ZC3H12D: variants seen among roughly 807,000 people sequenced by gnomAD.
ZC3H12D encodes zinc finger CCCH-type containing 12D, also known as probable ribonuclease ZC3H12D.
Under a neutral mutation model 24.2 loss-of-function variants are expected in ZC3H12D, and 11 were observed. The ratio of observed to expected loss-of-function variants is 0.46; its 90% CI spans 0.29 to 0.75. The LOEUF is 0.75. ZC3H12D is among the 30% of genes least tolerant of loss of function. The pLI, the probability that ZC3H12D is intolerant of heterozygous loss-of-function variation, is 0.11. For missense variants in ZC3H12D, 740 were observed against 767.7 expected (o/e 0.96, Z 0.43); for synonymous variants, 333 against 341.8 (o/e 0.97, Z 0.28).
Position 149,447,933 on chromosome 6 carries a change from C to T in ZC3H12D, c.*2750G>A, listed in dbSNP as rs566074641. 1.3e-5 allele frequency: 2 copies of T among 152,276 alleles called. No individual in the cohort carries two copies. The highest frequency in any genetic ancestry group is 6.5e-5 in the Admixed American group (1 of 15,300). 9.4% of individuals were successfully genotyped at this position (152,276 alleles called of 1,614,324 possible). ...ACACAATGATTCTACATCAGGAAAT[C>T]GAACCAGGGAGACAAAAAGCAGCTC... On this transcript the variant is annotated 3_prime_UTR_variant, in exon 6 of 6. Coordinates refer to ENST00000409806, the MANE Select transcript of ZC3H12D (RefSeq NM_207360.3).
At chr6:149,451,887 G>A (rs1228706702) in intron 5 of ZC3H12D, among the ~76,000 whole-genome samples, 1 of 152,238 alleles carries the variant, frequency 6.6e-6, no homozygotes, top group Non-Finnish European at 1.5e-5. Context: ...GGGTGCTCGG[G>A]GCAGAGGACT....
intron 1 of ZC3H12D, among the ~76,000 whole-genome samples, chr6:149,484,134 C>T (rs1376002494): frequency 6.6e-6 from 1 of 152,186 alleles, no homozygotes; most frequent in East Asian, 1.9e-4. Context: ...AGCCTGTTCA[C>T]GAGTCAGGGA....
rs915819368 is a variant in ZC3H12D at position 149,474,147 on chromosome 6, T to A, written c.305+92A>T. 7 of 1,219,730 alleles carry A rather than the reference T, an allele frequency of 5.7e-6. No homozygotes were observed. In the African/African-American group the frequency reaches 1.1e-4, roughly 19 times the overall value. 75.6% of individuals were successfully genotyped at this position (1,219,730 alleles called of 1,614,324 possible). A position where few individuals can be genotyped will look rare whatever the true frequency, so the allele number is the denominator to read the frequency against. On this transcript the variant is annotated intron_variant, in intron 2 of 5. Transcript: ENST00000409806. ...GCCTGATCCGTTGGCCCCAAAGCTCTTTGGACCAAACCACAAGGAAGAGGG... is the reference window on the plus strand; with the variant it reads ...GCCTGATCCGTTGGCCCCAAAGCTCATTGGACCAAACCACAAGGAAGAGGG...
chr6:149,476,322 T>G (rs546030020), intron 1 of ZC3H12D, among the ~76,000 whole-genome samples: 41 of 152,146 alleles, frequency 2.7e-4, no homozygotes, highest in Non-Finnish European at 5.4e-4. Context: ...CTGGCCAACA[T>G]GGCGAAATCC....
At chr6:149,468,433 A>G (rs1455644875) in intron 2 of ZC3H12D, among the ~76,000 whole-genome samples, 2 of 152,236 alleles carry the variant, frequency 1.3e-5, no homozygotes, top group Non-Finnish European at 2.9e-5. Context: ...ACACCACTGC[A>G]TCTTTGACTA....
At position 149,447,900 on chromosome 6, in the gene ZC3H12D, AATC is replaced by A. The variant is rs2114998595; in HGVS notation, c.*2780_*2782del. On this transcript the variant is annotated 3_prime_UTR_variant, in exon 6 of 6. Transcript: ENST00000409806. ...GCAGTTTAAACATTTTCAACTGAAA[AATC>A]AGCAACACAATGATTCTACATCAGG... The A allele has an allele frequency of 6.6e-6, 1 of 152,384 alleles. No individual in the cohort carries two copies. Among genetic ancestry groups the A allele is most frequent in the South Asian group, 2.1e-4 (1 of 4,832 alleles). The allele number at this position is 152,384 out of a possible 1,614,324, so 9.4% of individuals were successfully genotyped here.
At chr6:149,459,582 A>T (rs1422621272) in intron 3 of ZC3H12D, 1 of 709,576 alleles carries the variant, frequency 1.4e-6, no homozygotes, top group Non-Finnish European at 2.6e-6. Context: ...ATGGAGTGGA[A>T]GTCGGGCAAA....
chr6:149,456,608 C>CG lies in ZC3H12D; in HGVS notation c.680+57dup. 3.5e-5 allele frequency: 48 copies of CG among 1,388,492 alleles called. No individual in the cohort carries two copies. The highest frequency in any genetic ancestry group is 7.3e-5 in the East Asian group (3 of 41,114). 86.0% of individuals were successfully genotyped at this position (1,388,492 alleles called of 1,614,324 possible). ...CTGGTAGCAGGCGTGGCCACTGCCT[C>CG]GACCCCGGCCCCCCGCCCCGCCGCC... is the stretch of plus-strand genomic sequence containing the variant. On this transcript the variant is annotated intron_variant, in intron 4 of 5. Transcript: ENST00000409806. The surrounding 1 kb of genome is among the most constrained non-coding windows in gnomAD (Gnocchi z 4.3).
intron 3 of ZC3H12D, 68 bp downstream of exon 3, chr6:149,461,763 A>G: frequency 1.4e-6 from 2 of 1,456,906 alleles, no homozygotes; most frequent in African/African-American, 1.4e-5. Context: ...ATATTTGACT[A>G]TCGATGTTAG....
intron 1 of ZC3H12D, among the ~76,000 whole-genome samples, chr6:149,482,419 C>A (rs926863570): frequency 2.6e-5 from 4 of 152,238 alleles, no homozygotes; most frequent in African/African-American, 9.6e-5. Flanking sequence ...TCCGTCCTGA[C>A]TGGAAGTCAC....
intron 1 of ZC3H12D, among the ~76,000 whole-genome samples, chr6:149,480,677 G>A (rs62441732): frequency 2.3e-4 from 35 of 152,218 alleles, no homozygotes; most frequent in Non-Finnish European, 4.9e-4. Context: ...CGGAGGTTGC[G>A]GTGAGCCAAG....
At chr6:149,472,406 CAG>C (rs1434324866) in intron 2 of ZC3H12D, among the ~76,000 whole-genome samples, 1 of 152,130 alleles carries the variant, frequency 6.6e-6, no homozygotes, top group East Asian at 1.9e-4. Context: ...CTGGTTAACT[CAG>C]GTGTTTTGGA....
Position 149,450,377 on chromosome 6 carries a change from A to G in ZC3H12D, c.*306T>C. ...TTTGTGGTGGTGACCCACTAAATTG[A>G]TTTTGTGACCCACTTGTGGGTTCTA... On this transcript the variant is annotated 3_prime_UTR_variant, in exon 6 of 6. Transcript: ENST00000409806. 5.7e-6 allele frequency: 2 copies of G among 348,022 alleles called. No individual in the cohort carries two copies. Among genetic ancestry groups the G allele is most frequent in the Non-Finnish European group, 1.0e-5 (2 of 191,348 alleles). The allele number at this position is 348,022 out of a possible 1,614,324, so 21.6% of individuals were successfully genotyped here.
In ZC3H12D at chr6:149,451,224, C is replaced by G. The variant is rs1775888743; in HGVS notation, c.1043G>C (p.Arg348Pro). 1.5e-6 allele frequency: 2 copies of G among 1,304,008 alleles called. No homozygotes were observed. Among genetic ancestry groups the G allele is most frequent in the South Asian group, 4.9e-5 (2 of 40,618 alleles). The allele number at this position is 1,304,008 out of a possible 1,614,324, so 80.8% of individuals were successfully genotyped here. A position where few individuals can be genotyped will look rare whatever the true frequency, so the allele number is the denominator to read the frequency against. Residue 348 changes from arginine (R) to proline (P), a missense_variant, in exon 6 of 6, where the codon CGG becomes CCG. Physicochemically the swap from Arg to Pro is moderately radical, Grantham distance 103. Coordinates refer to ENST00000409806, the MANE Select transcript of ZC3H12D (RefSeq NM_207360.3). ...DLAALRGSFSRLAFSDDLGPL... is the reference protein window; with the variant it reads ...DLAALRGSFSPLAFSDDLGPL... ...CCCCAGGTCGTCGCTGAAGGCCAGC[C>G]GAGAGAAGCTCCCTCGCAGGGCGGC...
At chr6:149,464,578 C>G (rs1776122232) in intron 2 of ZC3H12D, among the ~76,000 whole-genome samples, 1 of 152,196 alleles carries the variant, frequency 6.6e-6, no homozygotes, top group African/African-American at 2.4e-5. Flanking sequence ...GGAACGTTGG[C>G]ACCCATCCAG....
chr6:149,467,761 T>C (rs1583189376), intron 2 of ZC3H12D, among the ~76,000 whole-genome samples: 1 of 152,276 alleles, frequency 6.6e-6, no homozygotes, highest in South Asian at 2.1e-4. Flanking sequence ...AAACTCTTCC[T>C]CCCTAGTCTC....
chr6:149,480,719 A>G (rs2115015150), intron 1 of ZC3H12D, among the ~76,000 whole-genome samples: 2 of 151,806 alleles, frequency 1.3e-5, no homozygotes, highest in African/African-American at 2.4e-5. Flanking sequence ...CTGAGCAACA[A>G]GAGCGAAACT....
rs1286555843 is a variant in ZC3H12D, at chr6:149,484,945, C to A, written c.-203G>T. The A allele has an allele frequency of 6.6e-6, 1 of 152,170 alleles. No individual in the cohort carries two copies. The highest frequency in any genetic ancestry group is 2.4e-5 in the African/African-American group (1 of 41,438). The allele number at this position is 152,170 out of a possible 1,614,324, so 9.4% of individuals were successfully genotyped here. On this transcript the variant is annotated 5_prime_UTR_variant, in exon 1 of 6. Coordinates refer to ENST00000409806, the MANE Select transcript of ZC3H12D (RefSeq NM_207360.3). ...GAGTCAGAGGAGGGCAGCTGGCGTGCGCCAAGCAGCCACTAGGAGCCACTT... is the reference window on the plus strand; with the variant it reads ...GAGTCAGAGGAGGGCAGCTGGCGTGAGCCAAGCAGCCACTAGGAGCCACTT...
At chr6:149,472,000 G>C (rs1776251897) in intron 2 of ZC3H12D, among the ~76,000 whole-genome samples, 1 of 152,230 alleles carries the variant, frequency 6.6e-6, no homozygotes, top group African/African-American at 2.4e-5. Flanking sequence ...ATGTTTCTGA[G>C]GTTAATTGAA....
Sources: gnomAD v4.1 joint callset for allele counts (sites outside exome capture counted in the v4.1 genomes callset) on GRCh38, gnomAD v4.1.1 for gene constraint, Gnocchi (gnomAD v3.1) non-coding constraint, MANE v1.5 for transcripts, NCBI Gene and HGNC (gene_info 2026-07-23, HGNC 2026-07-21) for gene names.